Variants in FAM13A observed in about 807,000 individuals in gnomAD.
FAM13A encodes family with sequence similarity 13 member A.
A neutral mutation model predicts 129.6 loss-of-function variants in FAM13A; 76 were observed. That is an observed-to-expected ratio of 0.59 (90% CI 0.49 to 0.71). The LOEUF (loss-of-function observed/expected upper bound fraction) is 0.71, where lower values mean the gene tolerates loss of function less well. Among genes scored for constraint, FAM13A ranks in the 30% least tolerant of loss-of-function variants. The pLI is 0.00. For missense variants in FAM13A, 1,108 were observed against 1,249.3 expected (o/e 0.89, Z 1.70); for synonymous variants, 443 against 449.9 (o/e 0.98, Z 0.20).
intron 7 of FAM13A, among the ~76,000 whole-genome samples, chr4:88,814,273 C>T (rs1730242462): frequency 1.3e-5 from 2 of 152,212 alleles, no homozygotes; most frequent in African/African-American, 4.8e-5. Context: ...AAGCACTATG[C>T]AGTCTGGCAG....
chr4:88,811,155 T>C (rs939792955), intron 7 of FAM13A, among the ~76,000 whole-genome samples: 1 of 152,152 alleles, frequency 6.6e-6, no homozygotes, highest in Non-Finnish European at 1.5e-5. Context: ...TTTTGCTGAG[T>C]GTAGATGGTA....
chr4:88,975,043 G>A (rs1760713183), intron 4 of FAM13A, among the ~76,000 whole-genome samples: 1 of 152,052 alleles, frequency 6.6e-6, no homozygotes, highest in Non-Finnish European at 1.5e-5. Context: ...AAAATATTTG[G>A]TAATTTAATA....
chr4:88,804,882 C>A, intron 8 of FAM13A, 129 bp downstream of exon 8: 1 of 649,826 alleles, frequency 1.5e-6, no homozygotes, highest in Non-Finnish European at 2.7e-6. Context: ...AGGTGAAGAG[C>A]TCCAGCAAGT....
intron 6 of FAM13A, among the ~76,000 whole-genome samples, chr4:88,877,872 G>A (rs897007587): frequency 2.0e-5 from 3 of 152,102 alleles, no homozygotes; most frequent in Admixed American, 1.3e-4. Context: ...AAGGCCCCTC[G>A]CAGTGGGATC....
At chr4:89,027,959 C>T (rs1768183432) in intron 2 of FAM13A, among the ~76,000 whole-genome samples, 1 of 151,678 alleles carries the variant, frequency 6.6e-6, no homozygotes, top group African/African-American at 2.4e-5. Flanking sequence ...AATCTCAGCA[C>T]TTTGGGAGGC....
intron 7 of FAM13A, among the ~76,000 whole-genome samples, chr4:88,840,127 T>C (rs1735572728): frequency 1.3e-5 from 2 of 152,202 alleles, no homozygotes; most frequent in Admixed American, 1.3e-4. Flanking sequence ...ACCAGGAGAC[T>C]GTAATGTTAC....
At chr4:88,875,577 A>C (rs185274410) in intron 6 of FAM13A, among the ~76,000 whole-genome samples, 1 of 152,378 alleles carries the variant, frequency 6.6e-6, no homozygotes, top group Non-Finnish European at 1.5e-5. Context: ...AATGCAAATC[A>C]AAACCACAAT....
intron 10 of FAM13A, 46 bp downstream of exon 10, chr4:88,787,707 T>TA: frequency 1.3e-6 from 2 of 1,586,286 alleles, no homozygotes; most frequent in Non-Finnish European, 1.7e-6. Context: ...ATATTTCTTT[T>TA]AAAAAGAGAA....
intron 6 of FAM13A, among the ~76,000 whole-genome samples, chr4:88,892,800 T>C (rs900179496): frequency 6.6e-6 from 1 of 152,080 alleles, no homozygotes; most frequent in East Asian, 1.9e-4. Flanking sequence ...ACAAGTCAAA[T>C]GATAAAAGGC....
Position 88,914,726 on chromosome 4 carries a change from G to C in FAM13A, c.760-8264C>G, listed in dbSNP as rs115940486. Reference sequence around the variant, plus strand: ...TATTGATTATCTACCACTCCAAGAAGTCTTTAAGGCTCATGAGAGGTAAAC... The same window carrying C: ...TATTGATTATCTACCACTCCAAGAACTCTTTAAGGCTCATGAGAGGTAAAC... On this transcript the variant is annotated intron_variant, in intron 5 of 23. Coordinates refer to ENST00000264344, the MANE Select transcript of FAM13A (RefSeq NM_014883.4). Among the ~76,000 whole-genome samples the C allele has an allele frequency of 6.5e-3, 995 of 152,274 alleles. 16 individuals are homozygous for C. Among genetic ancestry groups the C allele is most frequent in the African/African-American group, 0.023 (953 of 41,554 alleles).
chr4:88,924,385 T>C (rs1019473651), intron 5 of FAM13A, among the ~76,000 whole-genome samples: 3 of 152,072 alleles, frequency 2.0e-5, no homozygotes, highest in Non-Finnish European at 1.5e-5. Context: ...AACAGAGCCC[T>C]CAGAAATAAC....
chr4:88,787,704 T>C (rs757539095), intron 10 of FAM13A, 49 bp downstream of exon 10: 2 of 1,580,534 alleles, frequency 1.3e-6, no homozygotes, highest in Admixed American at 1.8e-5. Context: ...TGTATATTTC[T>C]TTTAAAAAGA....
rs1762854412 is a variant in FAM13A at position 88,990,975 on chromosome 4, A to T, written c.603T>A (p.Phe201Leu). 6.2e-7 allele frequency: 1 copy of T among 1,613,338 alleles called. No individual in the cohort carries two copies. The highest frequency in any genetic ancestry group is 8.5e-7 in the Non-Finnish European group (1 of 1,179,426). The part of the protein sequence containing the change: ...NLATVFGPNC[F>L]HVPPGLEGMK... ...ACAGTAAAACTCCACTAACTTACTGAAAGCAATTTGGCCCAAATACAGTGG... is the reference window on the plus strand; with the variant it reads ...ACAGTAAAACTCCACTAACTTACTGTAAGCAATTTGGCCCAAATACAGTGG... The change falls in exon 4 of 24, where the codon TTT becomes TTA. Residue 201 changes from phenylalanine to leucine, a missense_variant and splice_region_variant. Phe to Leu is a conservative substitution (Grantham distance 22). This residue lies in a region of FAM13A where 566 missense variants were observed against 595.7 expected (regional missense o/e 0.95). Transcript: ENST00000264344.
intron 1 of FAM13A, chr4:89,029,888 G>T (rs906609136): frequency 4.9e-5 from 25 of 509,406 alleles, no homozygotes; most frequent in African/African-American, 4.9e-4. Context: ...GCTAAGAGAG[G>T]GAGCAATACA....
At chr4:88,887,676 G>A (rs939037485) in intron 6 of FAM13A, among the ~76,000 whole-genome samples, 4 of 151,914 alleles carry the variant, frequency 2.6e-5, no homozygotes, top group African/African-American at 9.7e-5. Flanking sequence ...GATTCCAGAT[G>A]CGTGCCACCA....
chr4:88,970,627 T>C (rs1759954457), intron 4 of FAM13A, among the ~76,000 whole-genome samples: 1 of 151,892 alleles, frequency 6.6e-6, no homozygotes, highest in African/African-American at 2.4e-5. Context: ...AGAAAGAAAT[T>C]AAAATTTAAC....
intron 5 of FAM13A, among the ~76,000 whole-genome samples, chr4:88,911,548 CACACCATCAAATCT>C (rs1432219160): frequency 6.6e-6 from 1 of 152,164 alleles, no homozygotes; most frequent in Non-Finnish European, 1.5e-5. Context: ...TAGTCATTGC[CACACCATCAAATCT>C]ACAAACCTAG....
chr4:88,943,584 A>AAAGCTTTCTGTAAAC (rs1755140053), intron 4 of FAM13A, among the ~76,000 whole-genome samples: 1 of 152,230 alleles, frequency 6.6e-6, no homozygotes, highest in Non-Finnish European at 1.5e-5. Context: ...TGCCTTTCTA[A>AAAGCTTTCTGTAAAC]AAGCTTTCTG....
rs550125476 is a variant in FAM13A, at chr4:88,848,405, C to T, written c.1007+2615G>A. On this transcript the variant is annotated intron_variant, in intron 7 of 23. Coordinates refer to ENST00000264344, the MANE Select transcript of FAM13A (RefSeq NM_014883.4). ...CTCTCCACTGGCTCTGCCCATTAAG[C>T]GTCTAAACGTGCCTACATTTGATTC... Among the ~76,000 whole-genome samples the T allele has an allele frequency of 3.3e-5, 5 of 152,178 alleles. No homozygotes were observed. In the East Asian group the frequency reaches 5.8e-4, roughly 18 times the overall value.
Sources: allele counts gnomAD v4.1 joint callset (sites outside exome capture counted in the v4.1 genomes callset), GRCh38; gene constraint gnomAD v4.1.1; regional missense constraint gnomAD v4.1.1; transcripts MANE v1.5; gene names NCBI Gene and HGNC (gene_info 2026-07-23, HGNC 2026-07-21).